Variants in KHDRBS3 observed in about 807,000 individuals in gnomAD.
KHDRBS3 encodes KH RNA binding domain containing, signal transduction associated 3.
A neutral mutation model predicts 45.6 loss-of-function variants in KHDRBS3; 23 were observed. The ratio of observed to expected loss-of-function variants is 0.50; its 90% CI spans 0.36 to 0.72. The LOEUF (loss-of-function observed/expected upper bound fraction) is 0.72. Ranked by LOEUF, KHDRBS3 falls within the 30% of genes least tolerant of loss-of-function variation. The probability of loss-of-function intolerance (pLI) is 0.00; values close to 1 mark genes in which losing one functional copy is unlikely to be tolerated. For missense variants in KHDRBS3, 352 were observed against 424.8 expected, an observed-to-expected ratio of 0.83 and a Z score of 1.51; for synonymous variants, 162 against 156.5, an observed-to-expected ratio of 1.04 and a Z score of -0.26.
rs766360885 is a variant in KHDRBS3, at chr8:135,527,730, CTGTTT to C, written c.207+6377_207+6381del. ...ACGTTATATCTCTATGTATAATGCT[CTGTTT>C]TAAGTGTCTGTGCTATAATATTAAG... On this transcript the variant is annotated intron_variant, in intron 2 of 8. Coordinates refer to ENST00000355849, the MANE Select transcript of KHDRBS3 (RefSeq NM_006558.3). Among the ~76,000 whole-genome samples, 67 of 152,280 alleles carry C rather than the reference CTGTTT, an allele frequency of 4.4e-4. 1 individual carries two copies. Among genetic ancestry groups the C allele is most frequent in the Admixed American group, 8.5e-4 (13 of 15,290 alleles).
chr8:135,515,104 C>T (rs555099252), intron 1 of KHDRBS3, among the ~76,000 whole-genome samples: 42 of 152,048 alleles, frequency 2.8e-4, no homozygotes, highest in South Asian at 4.2e-4. Flanking sequence ...CGGTGGCTCA[C>T]GCCTGTAATC....
At chr8:135,458,806 C>G (rs936781027) in intron 1 of KHDRBS3, 6 of 453,576 alleles carry the variant, frequency 1.3e-5, no homozygotes, top group African/African-American at 1.0e-4. Context: ...CTAGGAAGTA[C>G]TGCGGGTCAG....
chr8:135,607,126 A>T, intron 7 of KHDRBS3, 89 bp downstream of exon 7: 4 of 990,556 alleles, frequency 4.0e-6, no homozygotes, highest in Middle Eastern at 4.3e-4. Context: ...GCAGTCAGCT[A>T]GAGAGGGTAA....
At chr8:135,575,165 A>T (rs781473000) in intron 5 of KHDRBS3, among the ~76,000 whole-genome samples, 8 of 152,242 alleles carry the variant, frequency 5.3e-5, no homozygotes, top group Non-Finnish European at 8.8e-5. Flanking sequence ...GGGTGAGCTG[A>T]CGAAAAAGTG....
At chr8:135,576,237 G>A (rs1341895311) in intron 5 of KHDRBS3, among the ~76,000 whole-genome samples, 8 of 152,206 alleles carry the variant, frequency 5.3e-5, no homozygotes, top group East Asian at 1.9e-4. Context: ...CTCCACTGTC[G>A]AATTCCTCAT....
At chr8:135,549,662 G>T (rs1161637703) in intron 4 of KHDRBS3, 1 of 152,144 alleles carries the variant, frequency 6.6e-6, no homozygotes, top group Non-Finnish European at 1.5e-5. Context: ...TCAACACTTT[G>T]GCTCTGCAGA....
intron 5 of KHDRBS3, among the ~76,000 whole-genome samples, chr8:135,568,737 GTTTCTTA>G: frequency 6.6e-6 from 1 of 152,132 alleles, no homozygotes; most frequent in Non-Finnish European, 1.5e-5. Flanking sequence ...ATGGAAACCT[GTTTCTTA>G]AAACAATTTA....
At position 135,564,473 on chromosome 8, in the gene KHDRBS3, G is replaced by A. The variant is rs114635581; in HGVS notation, c.611+6886G>A. Among the ~76,000 whole-genome samples the A allele has an allele frequency of 4.4e-3, 663 of 152,284 alleles. 1 individual carries two copies. Among genetic ancestry groups the A allele is most frequent in the African/African-American group, 0.015 (616 of 41,562 alleles). Reference sequence around the variant, plus strand: ...TTGTTGAGAAATAAATATGTAAGTTGTTTGGTACTCACAATTTAATTACCA... The same window carrying A: ...TTGTTGAGAAATAAATATGTAAGTTATTTGGTACTCACAATTTAATTACCA... On this transcript the variant is annotated intron_variant, in intron 5 of 8. Transcript: ENST00000355849.
intron 1 of KHDRBS3, among the ~76,000 whole-genome samples, chr8:135,476,760 T>A (rs1344100935): frequency 6.6e-6 from 1 of 152,198 alleles, no homozygotes; most frequent in Non-Finnish European, 1.5e-5. Context: ...CTGTAGCTCA[T>A]GGCCTCAGAA....
intron 4 of KHDRBS3, among the ~76,000 whole-genome samples, chr8:135,552,712 TGTCTTCCTCATA>T (rs1826672362): frequency 6.6e-6 from 1 of 152,204 alleles, no homozygotes; most frequent in East Asian, 1.9e-4. Flanking sequence ...ATTTGCAGCC[TGTCTTCCTCATA>T]GTTACAGCTA....
At chr8:135,571,020 A>G (rs1187752873) in intron 5 of KHDRBS3, among the ~76,000 whole-genome samples, 6 of 152,218 alleles carry the variant, frequency 3.9e-5, no homozygotes, top group African/African-American at 1.4e-4. Flanking sequence ...AGTGTTACAA[A>G]TTGGGTAACT....
intron 2 of KHDRBS3, among the ~76,000 whole-genome samples, chr8:135,537,364 T>C (rs910137370): frequency 3.3e-5 from 5 of 152,206 alleles, no homozygotes; most frequent in Admixed American, 3.3e-4. Context: ...TGAGATTTAG[T>C]TGTTTATGAA....
chr8:135,497,803 T>C (rs921473466), intron 1 of KHDRBS3, among the ~76,000 whole-genome samples: 2 of 152,176 alleles, frequency 1.3e-5, no homozygotes, highest in African/African-American at 4.8e-5. Flanking sequence ...ATGAATAAAG[T>C]GTTAACCAAG....
chr8:135,515,365 TAAAA>T (rs59502823), intron 1 of KHDRBS3, among the ~76,000 whole-genome samples: 61 of 39,710 alleles, frequency 1.5e-3, no homozygotes, highest in Middle Eastern at 0.016. Flanking sequence ...GACTCCGTCT[TAAAA>T]AAAAAAAAAA....
rs1221924967 is a variant in KHDRBS3 at position 135,457,932 on chromosome 8, C to T, written c.66C>T (p.His22=). The part of the protein sequence containing the change: ...EKDSLDPSFT[H]ALRLVNQEIE... ...ACTCCCTGGACCCCTCCTTCACGCA[C>T]GCCCTGCGCCTGGTGAACCAAGGTG... The change falls in exon 1 of 9, where the codon CAC becomes CAT. Residue 22 remains histidine, a synonymous_variant. Coordinates refer to ENST00000355849, the MANE Select transcript of KHDRBS3 (RefSeq NM_006558.3). The surrounding 1 kb of genome is among the most constrained non-coding windows in gnomAD (Gnocchi z 4.4). 29 of 1,600,468 alleles carry T rather than the reference C, an allele frequency of 1.8e-5. No individual in the cohort carries two copies. Among genetic ancestry groups the T allele is most frequent in the Non-Finnish European group, 2.3e-5 (27 of 1,174,342 alleles).
chr8:135,605,245 G>A (rs974111270), intron 6 of KHDRBS3, among the ~76,000 whole-genome samples: 5 of 151,462 alleles, frequency 3.3e-5, no homozygotes, highest in African/African-American at 1.2e-4. Context: ...TTTTCCTTTG[G>A]GTCTGTCAGT....
At chr8:135,460,080 A>G (rs1056374469) in intron 1 of KHDRBS3, among the ~76,000 whole-genome samples, 7 of 152,222 alleles carry the variant, frequency 4.6e-5, no homozygotes, top group Admixed American at 2.6e-4. Flanking sequence ...CGCTTATGTA[A>G]CTGCAAAATT....
chr8:135,644,053 T>A (rs1312335170), intron 7 of KHDRBS3, among the ~76,000 whole-genome samples: 2 of 152,124 alleles, frequency 1.3e-5, no homozygotes, highest in African/African-American at 4.8e-5. Flanking sequence ...AAATTCAGGA[T>A]GGTGGTTTCC....
chr8:135,489,683 A>G (rs755149143), intron 1 of KHDRBS3, among the ~76,000 whole-genome samples: 4 of 152,192 alleles, frequency 2.6e-5, no homozygotes, highest in Non-Finnish European at 5.9e-5. Flanking sequence ...TCCATCTCAA[A>G]ACAACAACAA....
Sources: allele counts gnomAD v4.1 joint callset (sites outside exome capture counted in the v4.1 genomes callset), GRCh38; gene constraint gnomAD v4.1.1; non-coding constraint Gnocchi (gnomAD v3.1); transcripts MANE v1.5; gene names NCBI Gene and HGNC (gene_info 2026-07-23, HGNC 2026-07-21).